The following CRHBP variants were observed in gnomAD, a reference collection of about 807,000 sequenced individuals.
CRHBP encodes corticotropin releasing hormone binding protein.
CRHBP carries 19 observed loss-of-function variants against 34.9 expected under a neutral mutation model. The ratio of observed to expected loss-of-function variants is 0.55; its 90% CI spans 0.38 to 0.80. The LOEUF (loss-of-function observed/expected upper bound fraction) is 0.80. Among genes scored for constraint, CRHBP ranks in the 30% least tolerant of loss-of-function variants. The pLI, the probability that CRHBP is intolerant of heterozygous loss-of-function variation, is 0.00. For missense variants in CRHBP, 328 were observed against 409.2 expected (o/e 0.80, Z 1.71); for synonymous variants, 154 against 153.4 (o/e 1.00, Z -0.03).
intron 2 of CRHBP, among the ~76,000 whole-genome samples, chr5:76,975,842 A>ATATATATATATG (rs1176894871): frequency 1.2e-4 from 12 of 100,566 alleles, no homozygotes; most frequent in African/African-American, 5.8e-4. Context: ...ATATATATAT[A>ATATATATATATG]TATACACGCA....
intron 3 of CRHBP, among the ~76,000 whole-genome samples, chr5:76,977,075 C>T (rs1746044725): frequency 6.6e-6 from 1 of 152,108 alleles, no homozygotes; most frequent in South Asian, 2.1e-4. Context: ...CCAGTGCTGA[C>T]ATTGAGTGCC....
intron 6 of CRHBP, among the ~76,000 whole-genome samples, chr5:76,964,228 C>T (rs764209384): frequency 2.6e-5 from 4 of 152,142 alleles, no homozygotes; most frequent in Non-Finnish European, 4.4e-5. Flanking sequence ...AGGTCACTCC[C>T]ATAGCTTTAC....
chr5:76,960,070 A>G (rs1355488632), intron 5 of CRHBP, among the ~76,000 whole-genome samples: 1 of 152,258 alleles, frequency 6.6e-6, no homozygotes, highest in Non-Finnish European at 1.5e-5. Flanking sequence ...GGGACCCTGC[A>G]TTCAAGTGGG....
At chr5:76,955,501 A>G in intron 3 of CRHBP, 152 bp from the exon 4 acceptor site, 2 of 638,884 alleles carry the variant, frequency 3.1e-6, no homozygotes, top group South Asian at 4.3e-5. Flanking sequence ...CAATATATAC[A>G]AATGAAAAGG....
chr5:76,954,830 G>A (rs894858922), intron 3 of CRHBP, among the ~76,000 whole-genome samples: 2 of 152,172 alleles, frequency 1.3e-5, no homozygotes, highest in Non-Finnish European at 2.9e-5. Flanking sequence ...AGTATAACAG[G>A]GCAGCATGGG....
At chr5:76,956,259 T>C (rs903962917) in intron 4 of CRHBP, among the ~76,000 whole-genome samples, 3 of 152,168 alleles carry the variant, frequency 2.0e-5, no homozygotes, top group African/African-American at 4.8e-5. Flanking sequence ...AAAGTCTCCA[T>C]GTCTTTCAGC....
chr5:76,969,934 C>CTTTTTTTTTTTTTT (rs201228247), downstream of CRHBP, among the ~76,000 whole-genome samples: 9 of 61,630 alleles, frequency 1.5e-4, no homozygotes, highest in African/African-American at 4.7e-4. Context: ...AAAGAAAATT[C>CTTTTTTTTTTTTTT]TTTTTTTTTT....
downstream of CRHBP, among the ~76,000 whole-genome samples, chr5:76,971,984 C>T (rs940586764): frequency 3.3e-5 from 5 of 152,174 alleles, no homozygotes; most frequent in Non-Finnish European, 5.9e-5. Flanking sequence ...GTCTAAAATT[C>T]TGAGCATTTT....
In CRHBP at chr5:76,975,826, A is replaced by AAAAAAATC. The variant is rs1746019684; in HGVS notation, n.312-539_312-538insAAAAAATC. 1.3e-4 allele frequency among the ~76,000 whole-genome samples: 9 copies of AAAAAAATC among 67,890 alleles called. 1 individual carries two copies. The highest frequency in any genetic ancestry group is 2.1e-4 in the Non-Finnish European group (8 of 38,286). The allele number at this position is 67,890 out of a possible 152,430, so 44.5% of individuals were successfully genotyped here. A position where few individuals can be genotyped will look rare whatever the true frequency, so the allele number is the denominator to read the frequency against. ...CTCAAAAAAAAAAAAAAAAAAAAAA[A>AAAAAAATC]TATATATATATATATATATACACGC... On this transcript the variant is annotated intron_variant and non_coding_transcript_variant, in intron 2 of 3. Coordinates refer to the CRHBP transcript ENST00000514258.
At chr5:76,961,455 C>G (rs1392647853) in intron 5 of CRHBP, among the ~76,000 whole-genome samples, 6 of 152,194 alleles carry the variant, frequency 3.9e-5, no homozygotes, top group Non-Finnish European at 8.8e-5. Flanking sequence ...ATCCTCTACT[C>G]AAGGGAAAGG....
downstream of CRHBP, among the ~76,000 whole-genome samples, chr5:76,974,126 G>A (rs564807451): frequency 6.6e-6 from 1 of 152,076 alleles, no homozygotes; most frequent in South Asian, 2.1e-4. Context: ...CCAAGTAGCT[G>A]GAATTACAGC....
Position 76,969,047 on chromosome 5 carries a change from A to G in CRHBP, c.*162A>G. ...CACACACACATACACACACGCATTA[A>G]TTTTTGTACTTTGCTTCTTTTATGT... is the stretch of plus-strand genomic sequence containing the variant. On this transcript the variant is annotated 3_prime_UTR_variant, in exon 7 of 7. Coordinates refer to ENST00000274368, the MANE Select transcript of CRHBP (RefSeq NM_001882.4). The G allele has an allele frequency of 1.5e-6, 1 of 670,882 alleles. No individual in the cohort carries two copies. Among genetic ancestry groups the G allele is most frequent in the East Asian group, 3.2e-5 (1 of 31,614 alleles). 41.6% of individuals were successfully genotyped at this position (670,882 alleles called of 1,614,324 possible).
chr5:76,955,745 G>A lies in CRHBP; in HGVS notation c.426G>A (p.Glu142=), dbSNP rs772878163. The A allele has an allele frequency of 6.2e-7, 1 of 1,614,118 alleles. No individual in the cohort carries two copies. Among genetic ancestry groups the A allele is most frequent in the African/African-American group, 1.3e-5 (1 of 74,940 alleles). ...PSAERYIDFC[E]SGLSRRSIRS... ...CTGAGCGGTACATAGATTTCTGTGA[G>A]AGTGGTCTTAGCAGGAGGAGCATCA... is the stretch of plus-strand genomic sequence containing the variant. The change falls in exon 4 of 7, where the codon GAG becomes GAA. Residue 142 remains glutamate (E), a synonymous_variant. Coordinates refer to ENST00000274368, the MANE Select transcript of CRHBP (RefSeq NM_001882.4).
At chr5:76,966,829 A>G (rs1320671664) in intron 6 of CRHBP, among the ~76,000 whole-genome samples, 2 of 152,090 alleles carry the variant, frequency 1.3e-5, no homozygotes, top group African/African-American at 4.8e-5. Flanking sequence ...TTTACATTGG[A>G]TTTTGTTAGG....
chr5:76,955,528 G>A, intron 3 of CRHBP, 125 bp from the exon 4 acceptor site: 1 of 751,320 alleles, frequency 1.3e-6, no homozygotes, highest in East Asian at 2.7e-5. Flanking sequence ...GGCAGAGTGT[G>A]GACTGTCGAT....
chr5:76,980,290 G>A (rs534513111), intron 3 of CRHBP, among the ~76,000 whole-genome samples: 1 of 150,838 alleles, frequency 6.6e-6, no homozygotes, highest in African/African-American at 2.4e-5. Flanking sequence ...AAGCAGTGGG[G>A]CCAGGATTCA....
intron 6 of CRHBP, 21 bp from the exon 7 acceptor site, chr5:76,968,707 T>G: frequency 6.3e-7 from 1 of 1,585,872 alleles, no homozygotes; most frequent in South Asian, 1.1e-5. Context: ...GGGAAACTTT[T>G]ATCTTTTCCA....
At chr5:76,970,522 A>G (rs1250232585), downstream of CRHBP, among the ~76,000 whole-genome samples, 1 of 151,998 alleles carries the variant, frequency 6.6e-6, no homozygotes, top group Non-Finnish European at 1.5e-5. Flanking sequence ...TGATGAATAA[A>G]TGCTTGAATG....
Position 76,958,774 on chromosome 5 carries a change from A to G in CRHBP, c.578A>G (p.Lys193Arg), listed in dbSNP as rs1412727924. 3 of 1,611,844 alleles carry G rather than the reference A, an allele frequency of 1.9e-6. No individual in the cohort carries two copies. The highest frequency in any genetic ancestry group is 1.7e-5 in the Admixed American group (1 of 59,396). ...CNVISQTPNG[K>R]FTLVVPHQHR... Reference sequence around the variant, plus strand: ...GTCATTTCTCAGACTCCAAATGGAAAGTTTACCCTGGTAGTTCCACACCAG... The same window carrying G: ...GTCATTTCTCAGACTCCAAATGGAAGGTTTACCCTGGTAGTTCCACACCAG... The change falls in exon 5 of 7, where the codon AAG becomes AGG. Residue 193 changes from lysine (K) to arginine (R), a missense_variant. Coordinates refer to ENST00000274368, the MANE Select transcript of CRHBP (RefSeq NM_001882.4).
Sources: gnomAD v4.1 joint callset for allele counts (sites outside exome capture counted in the v4.1 genomes callset) on GRCh38, gnomAD v4.1.1 for gene constraint, MANE v1.5 for transcripts, NCBI Gene and HGNC (gene_info 2026-07-23, HGNC 2026-07-21) for gene names.